Variants in RALYL observed in about 807,000 individuals in gnomAD.
RALYL encodes the protein RNA-binding Raly-like protein.
Under a neutral mutation model 35.1 loss-of-function variants are expected in RALYL, and 29 were observed. The ratio of observed to expected loss-of-function variants is 0.83; its 90% confidence interval spans 0.61 to 1.13. The LOEUF (loss-of-function observed/expected upper bound fraction) is 1.13. RALYL is among the 50% of genes most tolerant of loss of function. RALYL has a pLI of 0.00. For missense variants in RALYL, 359 were observed against 360.4 expected, an observed-to-expected ratio of 1.00 and a Z score of 0.03; for synonymous variants, 120 against 127.6, an observed-to-expected ratio of 0.94 and a Z score of 0.40.
At chr8:84,367,774 C>T (rs1022907586) in intron 1 of RALYL, among the ~76,000 whole-genome samples, 3 of 152,144 alleles carry the variant, frequency 2.0e-5, no homozygotes, top group South Asian at 4.2e-4. Flanking sequence ...TCACCCTGTC[C>T]TTTTGCTTTA....
chr8:84,793,720 T>A (rs1444029785), intron 3 of RALYL, among the ~76,000 whole-genome samples: 1 of 152,170 alleles, frequency 6.6e-6, no homozygotes, highest in Non-Finnish European at 1.5e-5. Context: ...CACAATTTTG[T>A]CAACCTGTGG....
intron 2 of RALYL, among the ~76,000 whole-genome samples, chr8:84,728,149 T>A (rs1845372682): frequency 6.6e-6 from 1 of 151,576 alleles, no homozygotes; most frequent in African/African-American, 2.4e-5. Flanking sequence ...TTTCCTGACT[T>A]TTTAATGATT....
chr8:84,770,653 A>G (rs1266125828), intron 2 of RALYL, among the ~76,000 whole-genome samples: 1 of 152,080 alleles, frequency 6.6e-6, no homozygotes, highest in Non-Finnish European at 1.5e-5. Context: ...GTACTAGTTT[A>G]CATTCCCCCA....
At chr8:84,865,181 G>C (rs1838940694) in intron 6 of RALYL, among the ~76,000 whole-genome samples, 1 of 151,966 alleles carries the variant, frequency 6.6e-6, no homozygotes, top group Non-Finnish European at 1.5e-5. Context: ...TTTATAATTA[G>C]GTTGGTTTCT....
intron 1 of RALYL, among the ~76,000 whole-genome samples, chr8:84,354,667 T>G (rs779343078): frequency 6.6e-5 from 10 of 150,446 alleles, no homozygotes; most frequent in Non-Finnish European, 1.2e-4. Context: ...AGACTTCTAG[T>G]GTTTCTCTAC....
intron 4 of RALYL, among the ~76,000 whole-genome samples, chr8:84,813,343 T>C (rs1586480527): frequency 6.6e-6 from 1 of 152,328 alleles, no homozygotes; most frequent in Middle Eastern, 3.4e-3. Context: ...TGGTTCATTC[T>C]TGCAGTTGAT....
intron 8 of RALYL, among the ~76,000 whole-genome samples, chr8:84,895,138 G>A (rs189771067): frequency 5.9e-5 from 9 of 152,130 alleles, no homozygotes; most frequent in East Asian, 1.9e-4. Context: ...TTTGATTTTC[G>A]TATTTTAGCA....
chr8:84,539,120 G>A (rs138100205), intron 2 of RALYL, among the ~76,000 whole-genome samples: 1 of 152,134 alleles, frequency 6.6e-6, no homozygotes, highest in Admixed American at 6.6e-5. Context: ...CAGGACTCAC[G>A]ATTCCTATGT....
intron 1 of RALYL, among the ~76,000 whole-genome samples, chr8:84,510,618 C>G (rs1392770846): frequency 6.6e-6 from 1 of 152,102 alleles, no homozygotes; most frequent in Non-Finnish European, 1.5e-5. Flanking sequence ...CAAGACCAGC[C>G]TGACCAACAT....
chr8:84,873,357 G>A lies in RALYL; in HGVS notation c.645G>A (p.Gly215=). 6.2e-7 allele frequency: 1 copy of A among 1,601,510 alleles called. No homozygotes were observed. The highest frequency in any genetic ancestry group is 1.3e-5 in the African/African-American group (1 of 74,796). ...AAACTAAAATTGACTCCTTGCTAGG[G>A]CGCCTGGAGAAGATTGAGAAACAGC... The part of the protein sequence containing the change: ...QIKTKIDSLL[G]RLEKIEKQQK... Residue 215 remains glycine, a synonymous_variant, in exon 7 of 9, where the codon GGG becomes GGA. Transcript: ENST00000521268.
intron 6 of RALYL, among the ~76,000 whole-genome samples, chr8:84,865,543 G>T (rs1013254943): frequency 2.0e-5 from 3 of 152,184 alleles, no homozygotes; most frequent in African/African-American, 7.2e-5. Flanking sequence ...AGGCATTTCT[G>T]TCCCTTTTAA....
chr8:84,486,113 G>T (rs2054589029), intron 1 of RALYL, among the ~76,000 whole-genome samples: 1 of 146,924 alleles, frequency 6.8e-6, no homozygotes, highest in Non-Finnish European at 1.5e-5. Flanking sequence ...GAATACAGCA[G>T]CAGTGTACCT....
At chr8:84,590,513 T>C (rs914964826) in intron 2 of RALYL, among the ~76,000 whole-genome samples, 2 of 152,174 alleles carry the variant, frequency 1.3e-5, no homozygotes, top group Non-Finnish European at 2.9e-5. Flanking sequence ...AGGTGTGAAA[T>C]GAGTGACTGA....
intron 4 of RALYL, among the ~76,000 whole-genome samples, chr8:84,823,708 C>A (rs933472152): frequency 5.9e-5 from 9 of 152,010 alleles, no homozygotes; most frequent in African/African-American, 2.2e-4. Context: ...TCCTTCTTTT[C>A]TTCTCTCTTT....
chr8:84,749,020 C>A (rs1274539260), intron 2 of RALYL, among the ~76,000 whole-genome samples: 1 of 152,046 alleles, frequency 6.6e-6, no homozygotes, highest in Non-Finnish European at 1.5e-5. Context: ...TCTGTAATGG[C>A]AGCAGCACTA....
At chr8:84,291,545 A>G (rs181251851) in intron 1 of RALYL, among the ~76,000 whole-genome samples, 1 of 152,300 alleles carries the variant, frequency 6.6e-6, no homozygotes, top group African/African-American at 2.4e-5. Context: ...AACTTTTAAA[A>G]CATTGCTTAA....
chr8:84,528,934 C>T (rs1236937669), intron 1 of RALYL, among the ~76,000 whole-genome samples: 2 of 152,018 alleles, frequency 1.3e-5, no homozygotes, highest in African/African-American at 4.8e-5. Context: ...ATCATCAGAC[C>T]TTAGCCATGT....
intron 1 of RALYL, among the ~76,000 whole-genome samples, chr8:84,447,459 G>A (rs537701303): frequency 2.0e-5 from 3 of 151,970 alleles, no homozygotes; most frequent in Admixed American, 6.6e-5. Flanking sequence ...CAGGCCCACA[G>A]TGTGTGGCCC....
chr8:84,837,769 A>G (rs1003764040), intron 4 of RALYL, among the ~76,000 whole-genome samples: 1 of 152,236 alleles, frequency 6.6e-6, no homozygotes, highest in Non-Finnish European at 1.5e-5. Context: ...GAAGTAGGAT[A>G]AAATTAGTAA....
Sources: gnomAD v4.1 joint callset for allele counts (sites outside exome capture counted in the v4.1 genomes callset) on GRCh38, gnomAD v4.1.1 for gene constraint, MANE v1.5 for transcripts, NCBI Gene and HGNC (gene_info 2026-07-23, HGNC 2026-07-21) for gene names.